The following ZFHX3 variants were observed in gnomAD, a reference collection of about 807,000 sequenced individuals.
The protein encoded by ZFHX3 is zinc finger homeobox 3.
Under a neutral mutation model 279.1 loss-of-function variants are expected in ZFHX3, and 42 were observed. That is an observed-to-expected ratio of 0.15 (90% CI 0.12 to 0.19). The LOEUF is 0.19. ZFHX3 is among the 10% of genes least tolerant of loss of function. The probability of loss-of-function intolerance (pLI) is 1.00; values close to 1 mark genes in which losing one functional copy is unlikely to be tolerated. For missense variants in ZFHX3, 4,981 were observed against 4,754.0 expected (o/e 1.05, Z -1.40); for synonymous variants, 2,293 against 1,957.8 (o/e 1.17, Z -4.52).
In ZFHX3 at chr16:73,666,565, G is replaced by A. The variant is rs144660158; in HGVS notation, c.-1547+13615C>T. Among the ~76,000 whole-genome samples, 18 of 152,050 alleles carry A rather than the reference G, an allele frequency of 1.2e-4. No homozygotes were observed. The East Asian group carries it at 1.9e-3, about 16-fold the overall frequency. ...ACTACAGGAAATGTGAGGACATCAC[G>A]TCAGATCTGTGAATCTCAGACTGCT... On this transcript the variant is annotated intron_variant, in intron 2 of 17. Transcript: ENST00000641206.
intron 2 of ZFHX3, among the ~76,000 whole-genome samples, chr16:73,618,178 G>A (rs1269512867): frequency 6.6e-6 from 1 of 152,144 alleles, no homozygotes; most frequent in African/African-American, 2.4e-5. Flanking sequence ...AACATTCAGG[G>A]CAGTTCCTCA....
At chr16:73,652,067 T>G (rs2052677354) in intron 2 of ZFHX3, among the ~76,000 whole-genome samples, 1 of 152,058 alleles carries the variant, frequency 6.6e-6, no homozygotes, top group Non-Finnish European at 1.5e-5. Context: ...GGTTTGGATG[T>G]TGAGAATGAT....
chr16:73,690,990 T>C (rs1218478843), intron 1 of ZFHX3, among the ~76,000 whole-genome samples: 1 of 152,050 alleles, frequency 6.6e-6, no homozygotes, highest in Non-Finnish European at 1.5e-5. Context: ...CACAGACCAA[T>C]TTTTCCACCT....
chr16:72,787,863 C>G lies in ZFHX3; in HGVS notation c.10413G>C (p.Gln3471His). Reference protein sequence around the residue: ...VQYKLVCRKCQAGFSDEEAAR... With the variant: ...VQYKLVCRKCHAGFSDEEAAR... ...CTGCCTCCTCGTCGCTGAAGCCCGC[C>G]TGGCACTTGCGGCAGACCAACTTGT... The change falls in exon 10 of 10, where the codon CAG becomes CAC. Residue 3471 changes from glutamine to histidine, a missense_variant. Gln to His is a conservative substitution (Grantham distance 24). This residue lies in a region of ZFHX3 where 1,034 missense variants were observed against 786.0 expected (regional missense o/e 1.32). Coordinates refer to ENST00000268489, the MANE Select transcript of ZFHX3 (RefSeq NM_006885.4). 2 of 1,613,932 alleles carry G rather than the reference C, an allele frequency of 1.2e-6. No individual in the cohort carries two copies. Among genetic ancestry groups the G allele is most frequent in the Non-Finnish European group, 1.7e-6 (2 of 1,179,986 alleles).
intron 1 of ZFHX3, among the ~76,000 whole-genome samples, chr16:73,024,309 C>T (rs1391440881): frequency 2.6e-5 from 4 of 152,134 alleles, no homozygotes; most frequent in African/African-American, 4.8e-5. Flanking sequence ...GGAGAAACTT[C>T]CAGATGGGAG....
At chr16:72,890,284 A>C (rs983585926) in intron 3 of ZFHX3, among the ~76,000 whole-genome samples, 2 of 152,132 alleles carry the variant, frequency 1.3e-5, no homozygotes, top group African/African-American at 4.8e-5. Flanking sequence ...GCTTTTCCCT[A>C]CTTCACTCAG....
intron 9 of ZFHX3, chr16:72,791,336 G>A (rs962407347): frequency 3.3e-5 from 5 of 152,308 alleles, no homozygotes; most frequent in Middle Eastern, 3.4e-3. Context: ...ACTGTGTTAC[G>A]GTCAGGTGAT....
At chr16:72,932,057 A>G (rs988386672) in intron 3 of ZFHX3, among the ~76,000 whole-genome samples, 13 of 152,230 alleles carry the variant, frequency 8.5e-5, no homozygotes, top group Admixed American at 7.2e-4. Context: ...AGCTTTAATC[A>G]GAAAAATATA....
chr16:73,016,844 G>A (rs750702882), intron 1 of ZFHX3, among the ~76,000 whole-genome samples: 13 of 151,978 alleles, frequency 8.6e-5, no homozygotes, highest in Admixed American at 1.3e-4. Flanking sequence ...TACAGCTGAA[G>A]CCCACTGGGA....
chr16:73,517,000 T>C (rs2019533856), intron 2 of ZFHX3, among the ~76,000 whole-genome samples: 1 of 152,224 alleles, frequency 6.6e-6, no homozygotes, highest in African/African-American at 2.4e-5. Context: ...ATCAACACCG[T>C]GCACATTTAG....
intron 1 of ZFHX3, among the ~76,000 whole-genome samples, chr16:73,787,794 C>A (rs1959692829): frequency 6.6e-6 from 1 of 150,878 alleles, no homozygotes; most frequent in Non-Finnish European, 1.5e-5. Context: ...TCTGCCTAAA[C>A]ACTGTCACTG....
intron 8 of ZFHX3, among the ~76,000 whole-genome samples, chr16:73,068,789 C>G (rs1965788498): frequency 6.6e-6 from 1 of 152,196 alleles, no homozygotes; most frequent in Admixed American, 6.5e-5. Context: ...AGGCAGGCCC[C>G]TTGGGAACTC....
chr16:73,709,008 A>C (rs1481087008), intron 1 of ZFHX3, among the ~76,000 whole-genome samples: 2 of 152,178 alleles, frequency 1.3e-5, no homozygotes, highest in Non-Finnish European at 2.9e-5. Flanking sequence ...GAGGATCTGT[A>C]AAGCGGCATA....
chr16:73,649,431 C>T (rs1314878329), intron 2 of ZFHX3, among the ~76,000 whole-genome samples: 1 of 152,098 alleles, frequency 6.6e-6, no homozygotes, highest in Non-Finnish European at 1.5e-5. Flanking sequence ...CCTTTCAGAA[C>T]ATAAATGTAA....
intron 2 of ZFHX3, among the ~76,000 whole-genome samples, chr16:73,599,614 G>T (rs1456119708): frequency 6.6e-6 from 1 of 151,728 alleles, no homozygotes; most frequent in East Asian, 1.9e-4. Flanking sequence ...AATTGCTTTG[G>T]ATTTTCTCCA....
Position 72,960,146 on chromosome 16 carries a change from G to A in ZFHX3, c.-1C>T. ...CGACGGGCGAGTCACAGCCTTCCAT[G>A]GTAAGGCCTGCGTGGAGCTTTCATT... On this transcript the variant is annotated 5_prime_UTR_variant, in exon 2 of 10. Coordinates refer to ENST00000268489, the MANE Select transcript of ZFHX3 (RefSeq NM_006885.4). The A allele has an allele frequency of 6.4e-7, 1 of 1,569,914 alleles. No homozygotes were observed. The highest frequency in any genetic ancestry group is 8.6e-7 in the Non-Finnish European group (1 of 1,156,138).
intron 5 of ZFHX3, among the ~76,000 whole-genome samples, chr16:72,817,971 A>T (rs1306683493): frequency 6.6e-6 from 1 of 152,212 alleles, no homozygotes; most frequent in Non-Finnish European, 1.5e-5. Flanking sequence ...TTATTAATTC[A>T]TGCTACTTTC....
intron 1 of ZFHX3, among the ~76,000 whole-genome samples, chr16:73,806,003 T>C (rs553418005): frequency 1.7e-3 from 261 of 152,330 alleles, no homozygotes; most frequent in African/African-American, 5.9e-3. Context: ...CAGTTCCATA[T>C]GGCTCAGCAA....
intron 1 of ZFHX3, among the ~76,000 whole-genome samples, chr16:73,782,862 T>C (rs1388783875): frequency 6.6e-6 from 1 of 152,242 alleles, no homozygotes; most frequent in Non-Finnish European, 1.5e-5. Context: ...CACTGTTTCT[T>C]AGGAATAAAC....
Sources: gnomAD v4.1 joint callset for allele counts (sites outside exome capture counted in the v4.1 genomes callset) on GRCh38, gnomAD v4.1.1 for gene constraint, gnomAD v4.1.1 regional missense constraint, MANE v1.5 for transcripts, NCBI Gene and HGNC (gene_info 2026-07-23, HGNC 2026-07-21) for gene names.